TMPRSS7: variants seen among roughly 807,000 people sequenced by gnomAD.
The protein encoded by TMPRSS7 is transmembrane protease serine 7.
A neutral mutation model predicts 95.6 loss-of-function variants in TMPRSS7; 81 were observed. That is an observed-to-expected ratio of 0.85 (90% CI 0.71 to 1.02). TMPRSS7 has a LOEUF of 1.02. Among genes scored for constraint, TMPRSS7 ranks in the 50% least tolerant of loss-of-function variants. The pLI is 0.00. For synonymous variants in TMPRSS7, 364 were observed against 337.8 expected (o/e 1.08, Z -0.85); for missense variants, 945 against 955.2 (o/e 0.99, Z 0.14).
chr3:112,078,431 T>G (rs564196006), intron 16 of TMPRSS7, among the ~76,000 whole-genome samples: 9 of 152,214 alleles, frequency 5.9e-5, no homozygotes, highest in Non-Finnish European at 1.2e-4. Flanking sequence ...TAATAACTGT[T>G]GCTGACTTAC....
intron 2 of TMPRSS7, chr3:112,039,639 C>T (rs1198052304): frequency 6.6e-6 from 1 of 152,232 alleles, no homozygotes. Flanking sequence ...GGGTGGCATG[C>T]TCCAACTCCA....
chr3:112,059,166 G>A (rs2073470805), intron 10 of TMPRSS7, among the ~76,000 whole-genome samples: 1 of 152,192 alleles, frequency 6.6e-6, no homozygotes, highest in Non-Finnish European at 1.5e-5. Flanking sequence ...GAAATGGATG[G>A]CCTTTTTACA....
In TMPRSS7 at chr3:112,045,331, A is replaced by G. The variant is rs571970704; in HGVS notation, c.498-419A>G. Reference sequence around the variant, plus strand: ...CCTGGCTAATTTTTGTAGTTTTAGTAGAGACAGGGTTTCACCGTGTTAGTC... The same window carrying G: ...CCTGGCTAATTTTTGTAGTTTTAGTGGAGACAGGGTTTCACCGTGTTAGTC... On this transcript the variant is annotated intron_variant, in intron 4 of 17. Transcript: ENST00000452346. Among the ~76,000 whole-genome samples the G allele has an allele frequency of 1.2e-4, 19 of 152,292 alleles. No individual in the cohort carries two copies. In the East Asian group the frequency reaches 3.5e-3, roughly 28 times the overall value.
chr3:112,049,971 C>A (rs1461487295), exon 8 of TMPRSS7: 3 of 1,543,980 alleles, frequency 1.9e-6, no homozygotes, highest in East Asian at 4.6e-5. Context: ...CATTCCAGAA[C>A]AAAGTAAGTC....
Position 112,066,460 on chromosome 3 carries a change from AG to A in TMPRSS7, c.1627del (p.Asp543ThrfsTer135), listed in dbSNP as rs1399432614. 8.1e-6 allele frequency: 13 copies of A among 1,613,850 alleles called. No homozygotes were observed. Among genetic ancestry groups the A allele is most frequent in the Non-Finnish European group, 1.0e-5 (12 of 1,179,918 alleles). On this transcript the variant is annotated frameshift_variant, in exon 13 of 18. Transcript: ENST00000452346. LOFTEE classifies it high-confidence loss of function. ...TGGCCCTCTCATCTGTGATGGCTTC[AG>A]GGACTGTGAGAATGGCCGGGATGAG...
At chr3:112,039,607 T>C (rs897363822) in intron 2 of TMPRSS7, 1 of 152,206 alleles carries the variant, frequency 6.6e-6, no homozygotes, top group African/African-American at 2.4e-5. Context: ...TCCAGGTTGG[T>C]GAACATATCC....
rs141316341 is a variant in TMPRSS7 at position 112,052,210 on chromosome 3, TA to T, written c.1203+1428del. Among the ~76,000 whole-genome samples, 466 of 152,224 alleles carry T rather than the reference TA, an allele frequency of 3.1e-3. 3 individuals carry two copies. Among genetic ancestry groups the T allele is most frequent in the African/African-American group, 0.011 (446 of 41,522 alleles). On this transcript the variant is annotated intron_variant, in intron 9 of 17. Coordinates refer to ENST00000452346, the Ensembl canonical transcript of TMPRSS7. Reference sequence around the variant, plus strand: ...CAAGTTAGGTGTTTGTTATCTTAAATAGGATGATCAGGGAAAGTCTTGCTGA... The same window carrying T: ...CAAGTTAGGTGTTTGTTATCTTAAATGGATGATCAGGGAAAGTCTTGCTGA...
At chr3:112,048,977 G>C (rs1369000202) in intron 7 of TMPRSS7, among the ~76,000 whole-genome samples, 1 of 152,120 alleles carries the variant, frequency 6.6e-6, no homozygotes, top group East Asian at 1.9e-4. Context: ...AGATCTGGGG[G>C]CAGGGAACTT....
At chr3:112,046,373 T>G (rs534905653) in intron 5 of TMPRSS7, among the ~76,000 whole-genome samples, 1 of 152,220 alleles carries the variant, frequency 6.6e-6, no homozygotes, top group African/African-American at 2.4e-5. Context: ...AATGCAAATT[T>G]CATTGTTTGC....
rs764899527 is a variant in TMPRSS7, at chr3:112,081,027, C to A, written c.2475C>A (p.Tyr825Ter). Residue 825 changes from tyrosine (Y) to a stop codon, truncating the protein, a stop_gained, in exon 18 of 18, where the codon TAC (tyrosine) becomes TAA (stop). Coordinates refer to ENST00000452346, the Ensembl canonical transcript of TMPRSS7. LOFTEE classifies it high-confidence loss of function. ...GACGACCAAACTTTCCTGGTGTTTA[C>A]ACAAGGGTGTCAAACTTTGTTCCCT... 6 of 1,613,444 alleles carry A rather than the reference C, an allele frequency of 3.7e-6. No homozygotes were observed. Among genetic ancestry groups the A allele is most frequent in the Admixed American group, 1.7e-5 (1 of 59,924 alleles).
intron 6 of TMPRSS7, 21 bp from the exon 7 acceptor site, chr3:112,047,718 A>C: frequency 6.5e-7 from 1 of 1,531,532 alleles, no homozygotes; most frequent in Admixed American, 1.9e-5. Flanking sequence ...AAAATAAAGG[A>C]AAATGGTGCT....
At chr3:112,046,945 A>G in intron 5 of TMPRSS7, 29 bp from the exon 6 acceptor site, 2 of 701,098 alleles carry the variant, frequency 2.9e-6, no homozygotes, top group Non-Finnish European at 5.2e-6. Context: ...ATAGGATTCA[A>G]TCTCTTCTCA....
At chr3:112,055,646 C>T (rs2073424562) in intron 9 of TMPRSS7, among the ~76,000 whole-genome samples, 1 of 152,032 alleles carries the variant, frequency 6.6e-6, no homozygotes, top group Non-Finnish European at 1.5e-5. Context: ...AAAAGCAATT[C>T]AATAAGGCTG....
At chr3:112,048,136 G>T (rs749063905) in intron 7 of TMPRSS7, among the ~76,000 whole-genome samples, 169 bp downstream of exon 7, 1 of 151,876 alleles carries the variant, frequency 6.6e-6, no homozygotes, top group African/African-American at 2.4e-5. Context: ...TAGTACCCTC[G>T]CCAGAGCCTA....
chr3:112,071,679 A>C (rs957091569), intron 13 of TMPRSS7, among the ~76,000 whole-genome samples: 2 of 151,710 alleles, frequency 1.3e-5, no homozygotes, highest in African/African-American at 4.8e-5. Flanking sequence ...TTCTTTTCTC[A>C]CTTCATTTCA....
At chr3:112,045,450 G>A (rs976065495) in intron 4 of TMPRSS7, among the ~76,000 whole-genome samples, 2 of 152,148 alleles carry the variant, frequency 1.3e-5, no homozygotes, top group Admixed American at 6.5e-5. Flanking sequence ...GCCCAGCCAT[G>A]GTTTTAAATT....
intron 2 of TMPRSS7, among the ~76,000 whole-genome samples, chr3:112,040,122 T>A (rs1003058675): frequency 6.8e-6 from 1 of 147,496 alleles, no homozygotes; most frequent in South Asian, 2.1e-4. Flanking sequence ...GATATGAAAA[T>A]CTGATTGGAA....
At chr3:112,051,027 G>C (rs900447020) in intron 9 of TMPRSS7, among the ~76,000 whole-genome samples, 13 of 152,062 alleles carry the variant, frequency 8.5e-5, no homozygotes, top group African/African-American at 3.1e-4. Context: ...AAAATGCAAA[G>C]GCATTATTGA....
At chr3:112,056,051 TA>T (rs1461892817) in intron 9 of TMPRSS7, among the ~76,000 whole-genome samples, 1 of 149,694 alleles carries the variant, frequency 6.7e-6, no homozygotes, top group African/African-American at 2.5e-5. Flanking sequence ...ACAAAAAAAG[TA>T]AAAAAAAATA....
Sources: gnomAD v4.1 joint callset for allele counts (sites outside exome capture counted in the v4.1 genomes callset) on GRCh38, gnomAD v4.1.1 for gene constraint, MANE v1.5 for transcripts, NCBI Gene and HGNC (gene_info 2026-07-23, HGNC 2026-07-21) for gene names.